The following GMPS variants were observed in gnomAD, a reference collection of about 807,000 sequenced individuals.
The protein encoded by GMPS is GMP synthase [glutamine-hydrolyzing].
In GMPS, 15 loss-of-function variants were observed where a neutral mutation model predicts 77.9. The ratio of observed to expected loss-of-function variants is 0.19; its 90% CI spans 0.13 to 0.30. The LOEUF (loss-of-function observed/expected upper bound fraction) is 0.30. Among genes scored for constraint, GMPS ranks in the 10% least tolerant of loss-of-function variants. GMPS has a pLI of 1.00. For synonymous variants in GMPS, 224 were observed against 275.9 expected (o/e 0.81, Z 1.86); for missense variants, 590 against 838.8 (o/e 0.70, Z 3.66).
At chr3:155,914,363 T>G in intron 7 of GMPS, 56 bp from the exon 8 acceptor site, 1 of 1,285,920 alleles carries the variant, frequency 7.8e-7, no homozygotes, top group South Asian at 1.9e-5. Flanking sequence ...TGACTTGTTA[T>G]TTTTGATTAA....
intron 8 of GMPS, among the ~76,000 whole-genome samples, chr3:155,914,842 C>T (rs1052617148): frequency 1.1e-4 from 17 of 151,886 alleles, no homozygotes; most frequent in Admixed American, 6.5e-4. Context: ...GATCTCGGCT[C>T]GCTGCAACCT....
At chr3:155,932,670 C>A (rs1357530077) in intron 13 of GMPS, among the ~76,000 whole-genome samples, 1 of 152,066 alleles carries the variant, frequency 6.6e-6, no homozygotes, top group Non-Finnish European at 1.5e-5. Flanking sequence ...CAGTTAACAA[C>A]CAAAAAGAAT....
chr3:155,920,767 A>G (rs971643745), intron 10 of GMPS, among the ~76,000 whole-genome samples: 3 of 152,274 alleles, frequency 2.0e-5, no homozygotes, highest in Middle Eastern at 3.4e-3. Flanking sequence ...TTTAAAAACT[A>G]TCTTAAGTAT....
intron 1 of GMPS, among the ~76,000 whole-genome samples, chr3:155,879,075 C>T (rs148791095): frequency 6.6e-6 from 1 of 152,226 alleles, no homozygotes; most frequent in African/African-American, 2.4e-5. Context: ...TGGATAATGC[C>T]TGCTCACATT....
intron 1 of GMPS, among the ~76,000 whole-genome samples, chr3:155,891,488 G>A (rs1307617309): frequency 6.6e-6 from 1 of 152,036 alleles, no homozygotes. Flanking sequence ...CTTTTCTACG[G>A]TATTGAATAT....
chr3:155,913,647 A>G (rs542316749), intron 7 of GMPS, among the ~76,000 whole-genome samples: 1 of 151,692 alleles, frequency 6.6e-6, no homozygotes, highest in East Asian at 2.0e-4. Flanking sequence ...TCAGCCTCTG[A>G]GTAGCTGGGA....
intron 4 of GMPS, 117 bp from the exon 5 acceptor site, chr3:155,906,043 T>C (rs1462087783): frequency 2.9e-6 from 1 of 340,390 alleles, no homozygotes. Context: ...CCATTGTCAC[T>C]TTTTTTTTTT....
chr3:155,911,179 A>C lies in GMPS; in HGVS notation c.786A>C (p.Gln262His). ...CTTTGCTAAATCGTGCTTTGAACCAAGAACAAGTCATTGCTGTGCACATTG... is the reference window on the plus strand; with the variant it reads ...CTTTGCTAAATCGTGCTTTGAACCACGAACAAGTCATTGCTGTGCACATTG... ...CTALLNRALNQEQVIAVHIDN... is the reference protein window; with the variant it reads ...CTALLNRALNHEQVIAVHIDN... The change falls in exon 7 of 16, where the codon CAA becomes CAC. Residue 262 changes from glutamine to histidine, a missense_variant. Gln to His is a conservative substitution (Grantham distance 24). Transcript: ENST00000496455. 6.2e-6 allele frequency: 10 copies of C among 1,613,096 alleles called. No homozygotes were observed. Among genetic ancestry groups the C allele is most frequent in the Non-Finnish European group, 7.6e-6 (9 of 1,179,088 alleles).
At chr3:155,927,760 A>C (rs1362580126) in intron 12 of GMPS, among the ~76,000 whole-genome samples, 2 of 152,184 alleles carry the variant, frequency 1.3e-5, no homozygotes, top group Non-Finnish European at 2.9e-5. Flanking sequence ...AAACACTTTA[A>C]AAAGAAAATA....
rs973913175 is a variant in GMPS at position 155,942,702 on chromosome 3, CTCTT to C, written c.*5015_*5018del. 84 of 228,430 alleles carry C rather than the reference CTCTT, an allele frequency of 3.7e-4. No homozygotes were observed. The highest frequency in any genetic ancestry group is 5.8e-4 in the Non-Finnish European group (67 of 115,086). 14.2% of individuals were successfully genotyped at this position (228,430 alleles called of 1,614,324 possible). ...CAACTGTGTAGGCTGTTCTTTCAAC[CTCTT>C]TCTTCTTACTTCTTTACTTTTCCTT... On this transcript the variant is annotated 3_prime_UTR_variant, in exon 16 of 16. Transcript: ENST00000496455.
intron 12 of GMPS, among the ~76,000 whole-genome samples, chr3:155,926,565 TTAAAG>T (rs573581918): frequency 3.4e-4 from 52 of 152,030 alleles, no homozygotes; most frequent in African/African-American, 1.3e-3. Context: ...ACCCTAAAAC[TTAAAG>T]TATAATAATA....
chr3:155,890,860 A>G (rs1388036099), intron 1 of GMPS, among the ~76,000 whole-genome samples: 1 of 152,206 alleles, frequency 6.6e-6, no homozygotes, highest in Non-Finnish European at 1.5e-5. Flanking sequence ...TCACTCCAGC[A>G]TTATCACTTT....
At chr3:155,874,534 A>G (rs1028504169) in intron 1 of GMPS, among the ~76,000 whole-genome samples, 1 of 152,208 alleles carries the variant, frequency 6.6e-6, no homozygotes, top group Non-Finnish European at 1.5e-5. Context: ...TTTCTTAGAT[A>G]AAAGTTAGAT....
intron 4 of GMPS, among the ~76,000 whole-genome samples, chr3:155,905,535 A>G (rs984471884): frequency 6.6e-6 from 1 of 152,196 alleles, no homozygotes. Flanking sequence ...CTTTCAGATA[A>G]CAGAGTTGGG....
At chr3:155,916,297 A>T (rs1755178151) in intron 9 of GMPS, 105 bp downstream of exon 9, 5 of 736,880 alleles carry the variant, frequency 6.8e-6, no homozygotes, top group Non-Finnish European at 9.1e-6. Context: ...CCATCACCAC[A>T]TCTAATTTTA....
At chr3:155,875,333 G>GA (rs1754018358) in intron 1 of GMPS, among the ~76,000 whole-genome samples, 1 of 152,078 alleles carries the variant, frequency 6.6e-6, no homozygotes, top group Non-Finnish European at 1.5e-5. Flanking sequence ...CAGGCTCAAG[G>GA]AATTCTCCTG....
intron 1 of GMPS, among the ~76,000 whole-genome samples, chr3:155,879,703 GA>G (rs1323305917): frequency 6.7e-6 from 1 of 148,202 alleles, no homozygotes; most frequent in African/African-American, 2.5e-5. Context: ...TTTCTTTGGA[GA>G]AATGTCTGTT....
At chr3:155,884,350 C>T (rs1181636569) in intron 1 of GMPS, among the ~76,000 whole-genome samples, 1 of 149,360 alleles carries the variant, frequency 6.7e-6, no homozygotes, top group African/African-American at 2.5e-5. Context: ...CGCACCACTG[C>T]ACTCCACCCT....
In GMPS at chr3:155,938,559, T is replaced by C. The variant is rs1239154750; in HGVS notation, c.*867T>C. ...AAGAGGAGCATTTTCATCTCTTCTT[T>C]TGCTGGTCAGAGAAACGGTTCTGAG... On this transcript the variant is annotated 3_prime_UTR_variant, in exon 16 of 16. Transcript: ENST00000496455. 1 of 206,144 alleles carries C rather than the reference T, an allele frequency of 4.9e-6. No individual in the cohort carries two copies. Among genetic ancestry groups the C allele is most frequent in the East Asian group, 7.3e-5 (1 of 13,624 alleles). The allele number at this position is 206,144 out of a possible 1,614,324, so 12.8% of individuals were successfully genotyped here.
Sources: gnomAD v4.1 joint callset for allele counts (sites outside exome capture counted in the v4.1 genomes callset) on GRCh38, gnomAD v4.1.1 for gene constraint, MANE v1.5 for transcripts, NCBI Gene and HGNC (gene_info 2026-07-23, HGNC 2026-07-21) for gene names.